RIMS2: variants seen among roughly 807,000 people sequenced by gnomAD.
RIMS2 encodes the protein regulating synaptic membrane exocytosis 2, also known as regulating synaptic membrane exocytosis protein 2.
RIMS2 carries 59 observed loss-of-function variants against 174.4 expected under a neutral mutation model. The observed-to-expected ratio is 0.34, with a 90% CI of 0.27 to 0.42. The LOEUF (loss-of-function observed/expected upper bound fraction) is 0.42, where lower values mean the gene tolerates loss of function less well. Ranked by LOEUF, RIMS2 falls within the 10% of genes least tolerant of loss-of-function variation. The probability of loss-of-function intolerance (pLI) is 1.00; values close to 1 mark genes in which losing one functional copy is unlikely to be tolerated. For synonymous variants in RIMS2, 606 were observed against 572.5 expected (o/e 1.06, Z -0.84); for missense variants, 1,620 against 1,666.3 (o/e 0.97, Z 0.48).
At chr8:103,583,924 A>G (rs2093757723) in intron 1 of RIMS2, among the ~76,000 whole-genome samples, 1 of 152,066 alleles carries the variant, frequency 6.6e-6, no homozygotes, top group South Asian at 2.1e-4. Flanking sequence ...GATAATAACA[A>G]CTTCCCAAAC....
intron 19 of RIMS2, among the ~76,000 whole-genome samples, chr8:104,044,054 G>A (rs1334918953): frequency 2.0e-5 from 3 of 151,624 alleles, no homozygotes; most frequent in Non-Finnish European, 4.4e-5. Context: ...AAAGGATTTT[G>A]AGCGGCTTCC....
At chr8:103,791,906 C>T (rs562235369) in intron 3 of RIMS2, among the ~76,000 whole-genome samples, 1 of 152,188 alleles carries the variant, frequency 6.6e-6, no homozygotes, top group African/African-American at 2.4e-5. Flanking sequence ...TACAGGATCG[C>T]CCAGATTCAT....
In RIMS2 at chr8:103,576,037, G is replaced by A. The variant is rs532016803; in HGVS notation, c.176+74975G>A. 3.9e-5 allele frequency among the ~76,000 whole-genome samples: 6 copies of A among 152,280 alleles called. No homozygotes were observed. The South Asian group carries it at 1.0e-3, about 26-fold the overall frequency. On this transcript the variant is annotated intron_variant, in intron 1 of 23. Transcript: ENST00000504942. ...CTTGAGGACAACCAAACACAAAGTG[G>A]GAGGGCAGGACCACTATCCTCAGCA...
intron 3 of RIMS2, among the ~76,000 whole-genome samples, chr8:103,839,777 A>T (rs1370360787): frequency 6.6e-6 from 1 of 152,202 alleles, no homozygotes; most frequent in Non-Finnish European, 1.5e-5. Context: ...TTGCATCAAA[A>T]ATTCTAGCTG....
intron 19 of RIMS2, among the ~76,000 whole-genome samples, chr8:104,040,386 G>A (rs559084211): frequency 3.1e-4 from 47 of 151,564 alleles, no homozygotes; most frequent in African/African-American, 1.1e-3. Context: ...TAATATCTTT[G>A]GAAGAAATTT....
chr8:103,864,733 C>A (rs549086906), intron 3 of RIMS2, among the ~76,000 whole-genome samples: 1 of 151,862 alleles, frequency 6.6e-6, no homozygotes, highest in African/African-American at 2.4e-5. Flanking sequence ...TTTCTTATTC[C>A]CACTAATAGA....
At chr8:104,107,769 A>G (rs1460783351) in intron 19 of RIMS2, among the ~76,000 whole-genome samples, 1 of 152,200 alleles carries the variant, frequency 6.6e-6, no homozygotes, top group Non-Finnish European at 1.5e-5. Flanking sequence ...GCAACACAGC[A>G]AGACTCCATC....
chr8:104,100,582 A>G (rs1305841778), intron 19 of RIMS2, among the ~76,000 whole-genome samples: 2 of 151,916 alleles, frequency 1.3e-5, no homozygotes, highest in African/African-American at 4.8e-5. Context: ...TAGCTATCCA[A>G]GCATTTTTGA....
chr8:104,197,764 G>C lies in RIMS2; in HGVS notation c.3335-47152G>C, dbSNP rs548967097. 3.9e-5 allele frequency among the ~76,000 whole-genome samples: 6 copies of C among 152,110 alleles called. No individual in the cohort carries two copies. The East Asian group carries it at 7.8e-4, about 20-fold the overall frequency. ...AGGGACAGAGAGTTGGAGGTTAAGG[G>C]GGGTATAGGTGGATGGAAAAGGAGA... On this transcript the variant is annotated intron_variant, in intron 19 of 23. Transcript: ENST00000504942.
At chr8:103,899,934 C>A (rs564105963) in intron 4 of RIMS2, among the ~76,000 whole-genome samples, 3 of 151,418 alleles carry the variant, frequency 2.0e-5, no homozygotes, top group East Asian at 3.9e-4. Context: ...AGCTTTCTAC[C>A]TATGGCTAGC....
At chr8:103,831,335 C>T (rs1047947835) in intron 3 of RIMS2, among the ~76,000 whole-genome samples, 7 of 152,164 alleles carry the variant, frequency 4.6e-5, no homozygotes, top group African/African-American at 1.4e-4. Context: ...GAAGCCTCAT[C>T]TTTGACCTGA....
At chr8:104,113,886 T>C (rs946839560) in intron 19 of RIMS2, among the ~76,000 whole-genome samples, 1 of 152,016 alleles carries the variant, frequency 6.6e-6, no homozygotes. Flanking sequence ...GTTATTTTTT[T>C]AAATCCAGTT....
chr8:103,842,289 A>G (rs954773010), intron 3 of RIMS2, among the ~76,000 whole-genome samples: 2 of 152,108 alleles, frequency 1.3e-5, no homozygotes, highest in African/African-American at 2.4e-5. Context: ...TGTTTTACAT[A>G]TAAGAAATAA....
rs759413481 is a variant in RIMS2, at chr8:103,885,706, T to C, written c.1107T>C (p.Ser369=). 1.1e-5 allele frequency: 17 copies of C among 1,613,094 alleles called. No homozygotes were observed. In the South Asian group the frequency reaches 1.5e-4, roughly 15 times the overall value. Residue 369 remains serine (S), a synonymous_variant, in exon 4 of 24, where the codon AGT becomes AGC. Coordinates refer to ENST00000504942, the Ensembl canonical transcript of RIMS2. Reference sequence around the variant, plus strand: ...GAGCACGGCATGAGAGAAGGCATAGTGATGTTTCTTTGGCAAATGCTGATC... The same window carrying C: ...GAGCACGGCATGAGAGAAGGCATAGCGATGTTTCTTTGGCAAATGCTGATC...
chr8:103,917,152 A>G (rs1238541084), intron 8 of RIMS2, among the ~76,000 whole-genome samples: 2 of 152,222 alleles, frequency 1.3e-5, no homozygotes, highest in Non-Finnish European at 2.9e-5. Context: ...GGTAAAATAT[A>G]TACCTATATC....
intron 2 of RIMS2, among the ~76,000 whole-genome samples, chr8:103,708,071 A>G (rs938616606): frequency 6.6e-6 from 1 of 152,198 alleles, no homozygotes; most frequent in Non-Finnish European, 1.5e-5. Context: ...GGCATTCTCT[A>G]ATGGATACCA....
chr8:104,173,466 G>A (rs2098843766), intron 19 of RIMS2, among the ~76,000 whole-genome samples: 1 of 151,910 alleles, frequency 6.6e-6, no homozygotes, highest in Non-Finnish European at 1.5e-5. Context: ...ATGAACACCA[G>A]ATTATTTTAT....
intron 13 of RIMS2, among the ~76,000 whole-genome samples, chr8:103,937,550 G>C (rs1243755606): frequency 2.0e-5 from 3 of 152,166 alleles, no homozygotes; most frequent in Non-Finnish European, 2.9e-5. Flanking sequence ...ATAGCAATTA[G>C]AATATAACAT....
chr8:104,088,341 C>G (rs911442477), intron 19 of RIMS2, among the ~76,000 whole-genome samples: 5 of 152,080 alleles, frequency 3.3e-5, no homozygotes, highest in Admixed American at 2.6e-4. Flanking sequence ...CCAGAATTCC[C>G]TCTGCCCTCT....
Sources: gnomAD v4.1 joint callset for allele counts (sites outside exome capture counted in the v4.1 genomes callset) on GRCh38, gnomAD v4.1.1 for gene constraint, MANE v1.5 for transcripts, NCBI Gene and HGNC (gene_info 2026-07-23, HGNC 2026-07-21) for gene names.